WIPF2: variants seen among roughly 807,000 people sequenced by gnomAD.
WIPF2 encodes the protein WAS/WASL interacting protein family member 2, also known as WAS/WASL-interacting protein family member 2.
WIPF2 carries 23 observed loss-of-function variants against 38.8 expected under a neutral mutation model. The observed-to-expected ratio is 0.59, with a 90% CI of 0.43 to 0.84. WIPF2 has a LOEUF of 0.84. Ranked by LOEUF, WIPF2 falls within the 40% of genes least tolerant of loss-of-function variation. The pLI is 0.00. For missense variants in WIPF2, 574 were observed against 580.5 expected, an observed-to-expected ratio of 0.99 and a Z score of 0.11; for synonymous variants, 210 against 223.2, an observed-to-expected ratio of 0.94 and a Z score of 0.53.
chr17:40,266,562 G>T (rs2032094087), intron 5 of WIPF2, among the ~76,000 whole-genome samples: 1 of 152,146 alleles, frequency 6.6e-6, no homozygotes, highest in South Asian at 2.1e-4. Flanking sequence ...TAGGAGGAGA[G>T]AAATTGGAGA....
At chr17:40,239,584 TAGG>T (rs201834768) in intron 1 of WIPF2, among the ~76,000 whole-genome samples, 2,305 of 151,874 alleles carry the variant, frequency 0.015, 30 homozygotes, top group Non-Finnish European at 0.023. Context: ...GCTGGGGAGG[TAGG>T]AGAGGTCTCA....
intron 1 of WIPF2, among the ~76,000 whole-genome samples, chr17:40,228,086 G>C (rs2030575102): frequency 7.2e-6 from 1 of 138,126 alleles, no homozygotes; most frequent in Non-Finnish European, 1.5e-5. Context: ...CGGGATCTCG[G>C]CTCACTGCAA....
chr17:40,247,864 A>G (rs1434613274), intron 1 of WIPF2, among the ~76,000 whole-genome samples: 5 of 152,194 alleles, frequency 3.3e-5, no homozygotes, highest in African/African-American at 1.2e-4. Context: ...CCATAGGGTT[A>G]AGTTAGTAAT....
intron 1 of WIPF2, among the ~76,000 whole-genome samples, chr17:40,220,979 T>C (rs2030210401): frequency 6.6e-6 from 1 of 151,726 alleles, no homozygotes; most frequent in Non-Finnish European, 1.5e-5. Context: ...GGGGTTTCAC[T>C]GTGTTAGCCA....
At chr17:40,230,861 C>CCAT (rs1475347690) in intron 1 of WIPF2, among the ~76,000 whole-genome samples, 1 of 152,032 alleles carries the variant, frequency 6.6e-6, no homozygotes, top group Non-Finnish European at 1.5e-5. Context: ...ACTGTCATAC[C>CCAT]CATCATCTAG....
rs112387623 is a variant in WIPF2 at position 40,241,933 on chromosome 17, T to C, written c.-69-14458T>C. On this transcript the variant is annotated intron_variant, in intron 1 of 7. Transcript: ENST00000323571. ...AATTGCTTAGAGGTTAAGAGCCAAA[T>C]AGTACTTGTCTTAGCAGTGTTGCAG... Among the ~76,000 whole-genome samples the C allele has an allele frequency of 5.6e-3, 849 of 152,280 alleles. 4 individuals are homozygous for C. Among genetic ancestry groups the C allele is most frequent in the Non-Finnish European group, 8.3e-3 (568 of 68,026 alleles).
At chr17:40,227,601 C>T (rs2030547673) in intron 1 of WIPF2, among the ~76,000 whole-genome samples, 1 of 151,866 alleles carries the variant, frequency 6.6e-6, no homozygotes, top group Non-Finnish European at 1.5e-5. Context: ...ACCTGTAATC[C>T]CAGCACTTTG....
chr17:40,223,599 G>GGT (rs1216607863), intron 1 of WIPF2, among the ~76,000 whole-genome samples: 3 of 130,308 alleles, frequency 2.3e-5, no homozygotes, highest in African/African-American at 5.7e-5. Context: ...TTTTTTTTGG[G>GGT]TTTTTTTTTT....
intron 1 of WIPF2, among the ~76,000 whole-genome samples, chr17:40,254,424 G>A (rs1046708120): frequency 6.6e-6 from 1 of 152,102 alleles, no homozygotes; most frequent in Non-Finnish European, 1.5e-5. Flanking sequence ...TGTACTCATG[G>A]TGGCCATGTT....
rs1318050323 is a variant in WIPF2 at position 40,229,726 on chromosome 17, GACATTTAT to G, written c.-70+10235_-70+10242del. 2.0e-5 allele frequency among the ~76,000 whole-genome samples: 3 copies of G among 152,158 alleles called. No individual in the cohort carries two copies. In the East Asian group the frequency reaches 5.8e-4, roughly 29 times the overall value. On this transcript the variant is annotated intron_variant, in intron 1 of 7. Coordinates refer to ENST00000323571, the MANE Select transcript of WIPF2 (RefSeq NM_133264.5). ...TGTGAGCCACCGTGCCTGGCCCAAAGACATTTATTAAACAAATAATTATTACTGTTGCT... is the reference window on the plus strand; with the variant it reads ...TGTGAGCCACCGTGCCTGGCCCAAAGTAAACAAATAATTATTACTGTTGCT...
chr17:40,223,183 G>A (rs2145266866), intron 1 of WIPF2, among the ~76,000 whole-genome samples: 1 of 152,018 alleles, frequency 6.6e-6, no homozygotes, highest in East Asian at 1.9e-4. Flanking sequence ...TTGCTGTATT[G>A]CCCAGGCTGG....
rs67838907 is a variant in WIPF2, at chr17:40,224,406, A to ATT, written c.-70+4933_-70+4934dup. Reference sequence around the variant, plus strand: ...CCACCACGCCCGGCTGATTTTTTGTATTTTTTTTTTTTTTTTTTTTGTAGT... The same window carrying ATT: ...CCACCACGCCCGGCTGATTTTTTGTATTTTTTTTTTTTTTTTTTTTTTGTAGT... On this transcript the variant is annotated intron_variant, in intron 1 of 7. Transcript: ENST00000323571. 4.5e-3 allele frequency among the ~76,000 whole-genome samples: 400 copies of ATT among 89,094 alleles called. 11 individuals carry two copies. Among genetic ancestry groups the ATT allele is most frequent in the African/African-American group, 0.013 (315 of 24,988 alleles). The allele number at this position is 89,094 out of a possible 152,430, so 58.4% of individuals were successfully genotyped here. A position where few individuals can be genotyped will look rare whatever the true frequency, so the allele number is the denominator to read the frequency against.
chr17:40,227,727 C>T (rs1306593341), intron 1 of WIPF2, among the ~76,000 whole-genome samples: 1 of 151,904 alleles, frequency 6.6e-6, no homozygotes, highest in Non-Finnish European at 1.5e-5. Context: ...GTGGTGTGTG[C>T]CTGTAGTCCC....
chr17:40,224,296 A>G (rs1402681653), intron 1 of WIPF2, among the ~76,000 whole-genome samples: 7 of 145,452 alleles, frequency 4.8e-5, no homozygotes, highest in South Asian at 2.2e-4. Context: ...CAGTGGCGCA[A>G]TCTCGGCTCA....
intron 1 of WIPF2, among the ~76,000 whole-genome samples, chr17:40,234,270 C>T (rs376371177): frequency 6.7e-6 from 1 of 149,898 alleles, no homozygotes; most frequent in African/African-American, 2.4e-5. Context: ...GGGAGGCGCA[C>T]GCCTGTAGTC....
At chr17:40,258,054 T>C (rs1029134648) in intron 2 of WIPF2, among the ~76,000 whole-genome samples, 1 of 152,214 alleles carries the variant, frequency 6.6e-6, no homozygotes, top group Non-Finnish European at 1.5e-5. Flanking sequence ...ATGTATGAAC[T>C]GCCTTTTAGA....
chr17:40,242,954 G>T (rs553469573), intron 1 of WIPF2, among the ~76,000 whole-genome samples: 10 of 152,166 alleles, frequency 6.6e-5, no homozygotes, highest in Non-Finnish European at 1.3e-4. Flanking sequence ...TGTTTTGGAT[G>T]ATTTTCAGAT....
At chr17:40,247,095 C>T (rs2031392167) in intron 1 of WIPF2, among the ~76,000 whole-genome samples, 2 of 150,962 alleles carry the variant, frequency 1.3e-5, no homozygotes, top group Non-Finnish European at 2.9e-5. Context: ...ACCTGGGTGA[C>T]AGTGCGATAC....
rs961991634 is a variant in WIPF2 at position 40,283,731 on chromosome 17, T to C, written c.*5506T>C. 2 of 152,190 alleles carry C rather than the reference T, an allele frequency of 1.3e-5. No homozygotes were observed. The highest frequency in any genetic ancestry group is 2.9e-5 in the Non-Finnish European group (2 of 68,026). 9.4% of individuals were successfully genotyped at this position (152,190 alleles called of 1,614,324 possible). On this transcript the variant is annotated 3_prime_UTR_variant, in exon 8 of 8. Transcript: ENST00000323571. ...GGGGACAAAGCATACAGAATGTGTG[T>C]ATCTGTTTTTATGTGGGTGTTGGCT...
Sources: allele counts gnomAD v4.1 joint callset (sites outside exome capture counted in the v4.1 genomes callset), GRCh38; gene constraint gnomAD v4.1.1; transcripts MANE v1.5; gene names NCBI Gene and HGNC (gene_info 2026-07-23, HGNC 2026-07-21).